Variants in ABCG1 observed in about 807,000 individuals in gnomAD.
ABCG1 encodes ATP binding cassette subfamily G member 1.
Under a neutral mutation model 69.2 loss-of-function variants are expected in ABCG1, and 29 were observed. That is an observed-to-expected ratio of 0.42 (90% CI 0.31 to 0.57). The LOEUF (loss-of-function observed/expected upper bound fraction) is 0.57. Ranked by LOEUF, ABCG1 falls within the 20% of genes least tolerant of loss-of-function variation. The probability of loss-of-function intolerance (pLI) is 0.15; values close to 1 mark genes in which losing one functional copy is unlikely to be tolerated. For synonymous variants in ABCG1, 370 were observed against 374.8 expected (o/e 0.99, Z 0.15); for missense variants, 718 against 898.1 (o/e 0.80, Z 2.56).
chr21:42,275,582 C>T (rs2068694994), intron 4 of ABCG1, among the ~76,000 whole-genome samples: 1 of 152,232 alleles, frequency 6.6e-6, no homozygotes. Context: ...GAGTGAACCC[C>T]ATGGCCACAT....
chr21:42,248,593 G>A (rs917880257), intron 2 of ABCG1, among the ~76,000 whole-genome samples: 6 of 152,114 alleles, frequency 3.9e-5, no homozygotes, highest in African/African-American at 1.4e-4. Context: ...ATTGAAAGAA[G>A]AGTGAATAAA....
intron 4 of ABCG1, among the ~76,000 whole-genome samples, chr21:42,275,280 C>T (rs959508980): frequency 1.3e-5 from 2 of 152,184 alleles, no homozygotes; most frequent in Non-Finnish European, 1.5e-5. Context: ...CCTGGTCCTG[C>T]GTGTTCTGTG....
chr21:42,282,393 A>G lies in ABCG1; in HGVS notation c.708A>G (p.Pro236=). Residue 236 remains proline, a synonymous_variant, in exon 6 of 15, where the codon CCA becomes CCG. Coordinates refer to ENST00000398449, the MANE Select transcript of ABCG1 (RefSeq NM_016818.3). The part of the protein sequence containing the change: ...AIALELVNNP[P]VMFFDEPTSG... ...CGCTGGAGCTGGTGAACAACCCTCC[A>G]GTCATGTTCTTCGATGAGCCCACCA... The G allele has an allele frequency of 6.2e-7, 1 of 1,613,596 alleles. No individual in the cohort carries two copies. The highest frequency in any genetic ancestry group is 8.5e-7 in the Non-Finnish European group (1 of 1,179,660).
chr21:42,244,681 C>T (rs225370), intron 2 of ABCG1, among the ~76,000 whole-genome samples: 13,435 of 152,160 alleles, frequency 0.088, 993 homozygotes, highest in African/African-American at 0.2. Flanking sequence ...TGGCAGTGGT[C>T]GTCTGAGAAT....
rs769604366 is a variant in ABCG1 at position 42,290,038 on chromosome 21, G to C, written c.1225-12G>C. On this transcript the variant is annotated splice_polypyrimidine_tract_variant and intron_variant, in intron 10 of 14. Transcript: ENST00000398449. ...TGCGAACGCACTGGGTAAGATGCGG[G>C]TCTGTCCCCAGGTCCTGACACACCT... 117 of 1,614,028 alleles carry C rather than the reference G, an allele frequency of 7.2e-5. 2 individuals carry two copies. The South Asian group carries it at 1.2e-3, about 16-fold the overall frequency.
chr21:42,239,799 C>T (rs1034709332), intron 2 of ABCG1, among the ~76,000 whole-genome samples: 10 of 152,256 alleles, frequency 6.6e-5, no homozygotes, highest in East Asian at 1.9e-4. Context: ...CTGGCTAATA[C>T]GATGGCTACT....
At chr21:42,255,697 C>T (rs899972743) in intron 2 of ABCG1, among the ~76,000 whole-genome samples, 1 of 152,234 alleles carries the variant, frequency 6.6e-6, no homozygotes. Context: ...TCTCAGAGCC[C>T]AAACTCATTG....
intron 2 of ABCG1, chr21:42,256,167 C>G: frequency 7.1e-7 from 1 of 1,409,938 alleles, no homozygotes; most frequent in Non-Finnish European, 9.3e-7. Context: ...ATATACCTCC[C>G]TTTTAGGGCT....
chr21:42,222,525 C>T (rs1601348226), intron 1 of ABCG1, among the ~76,000 whole-genome samples: 1 of 152,276 alleles, frequency 6.6e-6, no homozygotes, highest in South Asian at 2.1e-4. Context: ...AGTCAAGGGC[C>T]GTTACAGAGG....
chr21:42,277,270 G>A (rs902403333), intron 5 of ABCG1, among the ~76,000 whole-genome samples: 3 of 152,182 alleles, frequency 2.0e-5, no homozygotes, highest in African/African-American at 4.8e-5. Flanking sequence ...TGCCCTTTTA[G>A]TGTTTAATAT....
rs2069227295 is a variant in ABCG1, at chr21:42,297,144, A to G, written c.*752A>G. ...AGCCATGCAGACATTTTTAAAAGCT[A>G]TACAAAAAATTGTGAGAAGACATTG... On this transcript the variant is annotated 3_prime_UTR_variant, in exon 15 of 15. Coordinates refer to ENST00000398449, the MANE Select transcript of ABCG1 (RefSeq NM_016818.3). 1 of 152,220 alleles carries G rather than the reference A, an allele frequency of 6.6e-6. No homozygotes were observed. Among genetic ancestry groups the G allele is most frequent in the African/African-American group, 2.4e-5 (1 of 41,458 alleles). 9.4% of individuals were successfully genotyped at this position (152,220 alleles called of 1,614,324 possible).
intron 2 of ABCG1, chr21:42,260,091 G>A: frequency 1.3e-6 from 2 of 1,550,654 alleles, no homozygotes; most frequent in Non-Finnish European, 1.7e-6. Flanking sequence ...AGCTCATGGG[G>A]CAGGAAGGGC....
intron 1 of ABCG1, among the ~76,000 whole-genome samples, chr21:42,223,099 C>T (rs1359868486): frequency 6.6e-6 from 1 of 152,190 alleles, no homozygotes; most frequent in Non-Finnish European, 1.5e-5. Flanking sequence ...TTGTTTGCCC[C>T]TCTAGTCTCA....
At position 42,297,146 on chromosome 21, in the gene ABCG1, A is replaced by C. The variant is rs2069227342; in HGVS notation, c.*754A>C. 1.3e-5 allele frequency: 2 copies of C among 152,218 alleles called. No individual in the cohort carries two copies. The highest frequency in any genetic ancestry group is 4.8e-5 in the African/African-American group (2 of 41,446). 9.4% of individuals were successfully genotyped at this position (152,218 alleles called of 1,614,324 possible). On this transcript the variant is annotated 3_prime_UTR_variant, in exon 15 of 15. Transcript: ENST00000398449. ...CCATGCAGACATTTTTAAAAGCTAT[A>C]CAAAAAATTGTGAGAAGACATTGGC...
chr21:42,274,768 C>T (rs1168821845), intron 4 of ABCG1, among the ~76,000 whole-genome samples: 5 of 142,316 alleles, frequency 3.5e-5, no homozygotes, highest in African/African-American at 8.0e-5. Flanking sequence ...CCACCGTGCC[C>T]GGCAGGGGCC....
chr21:42,215,131 CT>C (rs2067626297), upstream of ABCG1, among the ~76,000 whole-genome samples: 1 of 152,144 alleles, frequency 6.6e-6, no homozygotes, highest in African/African-American at 2.4e-5. Flanking sequence ...ATTCAGAGAC[CT>C]GTTGTTGGGG....
At chr21:42,283,508 C>T (rs2068852349) in intron 6 of ABCG1, among the ~76,000 whole-genome samples, 1 of 152,200 alleles carries the variant, frequency 6.6e-6, no homozygotes, top group Non-Finnish European at 1.5e-5. Flanking sequence ...TGGAGTAAAG[C>T]CCACCTGGGC....
Position 42,247,471 on chromosome 21 carries a change from TGTG to T in ABCG1, c.286+21561_286+21563del, listed in dbSNP as rs527675355. On this transcript the variant is annotated intron_variant, in intron 2 of 14. Coordinates refer to ENST00000398449, the MANE Select transcript of ABCG1 (RefSeq NM_016818.3). ...GGCACCCGGTGGAGAACTGAGCAGG[TGTG>T]GTGTTTAGAATTTAGGTAACGGGAG... 2.2e-3 allele frequency among the ~76,000 whole-genome samples: 341 copies of T among 152,154 alleles called. 1 individual carries two copies. Among genetic ancestry groups the T allele is most frequent in the African/African-American group, 7.9e-3 (329 of 41,506 alleles).
intron 2 of ABCG1, among the ~76,000 whole-genome samples, chr21:42,266,657 C>T (rs1020865355): frequency 6.6e-6 from 1 of 152,200 alleles, no homozygotes; most frequent in Non-Finnish European, 1.5e-5. Context: ...TGACCACAGC[C>T]CCGGGCACTG....
Sources: gnomAD v4.1 joint callset for allele counts (sites outside exome capture counted in the v4.1 genomes callset) on GRCh38, gnomAD v4.1.1 for gene constraint, MANE v1.5 for transcripts, NCBI Gene and HGNC (gene_info 2026-07-23, HGNC 2026-07-21) for gene names.